NELL1: variants seen among roughly 807,000 people sequenced by gnomAD.
NELL1 encodes the protein neural EGFL like 1, also known as protein kinase C-binding protein NELL1.
In NELL1, 76 loss-of-function variants were observed where a neutral mutation model predicts 107.4. That is an observed-to-expected ratio of 0.71 (90% confidence interval 0.59 to 0.86). NELL1 has a LOEUF of 0.86. Ranked by LOEUF, NELL1 falls within the 40% of genes least tolerant of loss-of-function variation. NELL1 has a pLI of 0.00. For missense variants in NELL1, 1,024 were observed against 1,005.5 expected (o/e 1.02, Z -0.25); for synonymous variants, 353 against 341.2 (o/e 1.03, Z -0.38).
At chr11:21,209,045 C>G (rs897050698) in intron 13 of NELL1, among the ~76,000 whole-genome samples, 1 of 152,052 alleles carries the variant, frequency 6.6e-6, no homozygotes, top group Non-Finnish European at 1.5e-5. Context: ...TCTAATACCC[C>G]CAGAACTGTA....
intron 15 of NELL1, among the ~76,000 whole-genome samples, chr11:21,438,467 G>A (rs2133842660): frequency 6.6e-6 from 1 of 152,056 alleles, no homozygotes; most frequent in African/African-American, 2.4e-5. Flanking sequence ...AACTACTTGG[G>A]GATTGTTGAG....
intron 15 of NELL1, among the ~76,000 whole-genome samples, chr11:21,486,778 T>C (rs1175077879): frequency 1.3e-5 from 2 of 152,072 alleles, no homozygotes; most frequent in East Asian, 3.9e-4. Flanking sequence ...ATGGATATTT[T>C]TAAAAAGAAG....
intron 17 of NELL1, among the ~76,000 whole-genome samples, chr11:21,565,386 A>T (rs1451548018): frequency 6.6e-6 from 1 of 151,832 alleles, no homozygotes; most frequent in Non-Finnish European, 1.5e-5. Context: ...CTACCTCCCC[A>T]TCTGACTGGG....
At chr11:20,797,007 T>C (rs1368951198) in intron 3 of NELL1, among the ~76,000 whole-genome samples, 1 of 152,056 alleles carries the variant, frequency 6.6e-6, no homozygotes, top group East Asian at 1.9e-4. Context: ...AAGAAAAATT[T>C]ATTATTGGAG....
rs1000497594 is a variant in NELL1 at position 20,800,475 on chromosome 11, G to A, written c.335+16645G>A. ...TGATGTTGACTTTTAATATATATTT[G>A]TTGGCTGCTTGTATGTCTTCTTTTG... On this transcript the variant is annotated intron_variant, in intron 3 of 19. Coordinates refer to ENST00000357134, the MANE Select transcript of NELL1 (RefSeq NM_006157.5). Among the ~76,000 whole-genome samples, 3 of 150,980 alleles carry A rather than the reference G, an allele frequency of 2.0e-5. No individual in the cohort carries two copies. In the Admixed American group the frequency reaches 2.0e-4, roughly 10 times the overall value.
At chr11:20,833,396 T>G (rs1306869058) in intron 3 of NELL1, among the ~76,000 whole-genome samples, 2 of 152,184 alleles carry the variant, frequency 1.3e-5, no homozygotes, top group African/African-American at 4.8e-5. Flanking sequence ...CACAACCCTT[T>G]GTTGTATCAC....
At chr11:20,771,414 G>A (rs1212829746) in intron 2 of NELL1, among the ~76,000 whole-genome samples, 2 of 152,170 alleles carry the variant, frequency 1.3e-5, no homozygotes, top group Non-Finnish European at 2.9e-5. Flanking sequence ...CCCAGGGGTG[G>A]GAAGTCAGAC....
intron 15 of NELL1, among the ~76,000 whole-genome samples, chr11:21,466,203 G>T (rs891047865): frequency 6.6e-6 from 1 of 152,074 alleles, no homozygotes; most frequent in African/African-American, 2.4e-5. Flanking sequence ...ACAATGCATT[G>T]CCCTCTACCT....
In NELL1 at chr11:21,310,618, A is replaced by G. The variant is rs761183702; in HGVS notation, c.1550-60235A>G. Among the ~76,000 whole-genome samples, 157 of 152,112 alleles carry G rather than the reference A, an allele frequency of 1.0e-3. 1 individual carries two copies. Among genetic ancestry groups the G allele is most frequent in the Non-Finnish European group, 1.5e-3 (104 of 68,008 alleles). ...AAATCACAGGTTGAACTAAGAAGGTATCAAAATTTGCTGACATTCCTTTTG... is the reference window on the plus strand; with the variant it reads ...AAATCACAGGTTGAACTAAGAAGGTGTCAAAATTTGCTGACATTCCTTTTG... On this transcript the variant is annotated intron_variant, in intron 14 of 19. Transcript: ENST00000357134.
In NELL1 at chr11:21,498,292, C is replaced by T. The variant is rs570198616; in HGVS notation, c.1646-36082C>T. Among the ~76,000 whole-genome samples the T allele has an allele frequency of 5.9e-4, 88 of 148,878 alleles. 1 individual carries two copies. Among genetic ancestry groups the T allele is most frequent in the African/African-American group, 2.1e-3 (86 of 40,984 alleles). On this transcript the variant is annotated intron_variant, in intron 15 of 19. Coordinates refer to ENST00000357134, the MANE Select transcript of NELL1 (RefSeq NM_006157.5). ...TATAAAAATTGACATGCCTCCATTTCACCCATGTTTTAATTATTTTGCTAC... is the reference window on the plus strand; with the variant it reads ...TATAAAAATTGACATGCCTCCATTTTACCCATGTTTTAATTATTTTGCTAC...
At chr11:20,966,833 C>A (rs1045417854) in intron 12 of NELL1, among the ~76,000 whole-genome samples, 3 of 151,966 alleles carry the variant, frequency 2.0e-5, no homozygotes, top group Non-Finnish European at 4.4e-5. Context: ...ACCTCCCCAC[C>A]CCCTGCCGCC....
At chr11:21,141,222 C>T (rs1350247269) in intron 13 of NELL1, among the ~76,000 whole-genome samples, 1 of 152,090 alleles carries the variant, frequency 6.6e-6, no homozygotes, top group African/African-American at 2.4e-5. Context: ...ATCTCAAGTG[C>T]AAAAGAAATA....
chr11:20,731,256 CA>C (rs1163446479), intron 2 of NELL1, among the ~76,000 whole-genome samples: 1 of 152,180 alleles, frequency 6.6e-6, no homozygotes, highest in Non-Finnish European at 1.5e-5. Context: ...TGACAAGCTG[CA>C]AGGCTTTAGT....
intron 13 of NELL1, among the ~76,000 whole-genome samples, chr11:21,131,081 G>T (rs1393357144): frequency 6.6e-6 from 1 of 152,136 alleles, no homozygotes; most frequent in Non-Finnish European, 1.5e-5. Flanking sequence ...TGTGGTGGGG[G>T]GAGATGTCAG....
At chr11:21,507,100 A>T (rs1167964013) in intron 15 of NELL1, among the ~76,000 whole-genome samples, 1 of 152,212 alleles carries the variant, frequency 6.6e-6, no homozygotes, top group African/African-American at 2.4e-5. Context: ...CTTGCTCAAG[A>T]TCACACTTTG....
chr11:20,719,496 T>A (rs1417333465), intron 2 of NELL1, among the ~76,000 whole-genome samples: 1 of 152,094 alleles, frequency 6.6e-6, no homozygotes, highest in Non-Finnish European at 1.5e-5. Context: ...AATAGTTACT[T>A]CTAGAAAAAA....
At chr11:20,952,741 C>T (rs193144558) in intron 11 of NELL1, among the ~76,000 whole-genome samples, 53 of 152,266 alleles carry the variant, frequency 3.5e-4, no homozygotes, top group Non-Finnish European at 5.7e-4. Context: ...TGGTCCTAAA[C>T]GTGCTACAGT....
At chr11:21,081,391 TC>T (rs1314181968) in intron 12 of NELL1, among the ~76,000 whole-genome samples, 2 of 152,042 alleles carry the variant, frequency 1.3e-5, no homozygotes, top group Non-Finnish European at 2.9e-5. Flanking sequence ...TTCCTTTTTT[TC>T]CCCCCTATAA....
intron 14 of NELL1, among the ~76,000 whole-genome samples, chr11:21,242,980 C>G (rs1179830328): frequency 6.6e-6 from 1 of 152,048 alleles, no homozygotes; most frequent in Admixed American, 6.6e-5. Context: ...TATGACAGTT[C>G]CCTTCCTGTT....
Sources: allele counts gnomAD v4.1 joint callset (sites outside exome capture counted in the v4.1 genomes callset), GRCh38; gene constraint gnomAD v4.1.1; transcripts MANE v1.5; gene names NCBI Gene and HGNC (gene_info 2026-07-23, HGNC 2026-07-21).